Variants in CDH18 observed in about 807,000 individuals in gnomAD.
CDH18 encodes cadherin 18.
In CDH18, 31 loss-of-function variants were observed where a neutral mutation model predicts 67.9. That is an observed-to-expected ratio of 0.46 (90% CI 0.34 to 0.62). CDH18 has a LOEUF of 0.62. Among genes scored for constraint, CDH18 ranks in the 20% least tolerant of loss-of-function variants. CDH18 has a pLI of 0.01. For missense variants in CDH18, 890 were observed against 975.5 expected (o/e 0.91, Z 1.17); for synonymous variants, 362 against 347.2 (o/e 1.04, Z -0.48).
chr5:19,835,306 G>A (rs887627159), intron 3 of CDH18, among the ~76,000 whole-genome samples: 1 of 152,020 alleles, frequency 6.6e-6, no homozygotes, highest in African/African-American at 2.4e-5. Flanking sequence ...ACTCATAAGT[G>A]GGAGTTGAAC....
chr5:19,927,695 G>A (rs1317391749), intron 2 of CDH18, among the ~76,000 whole-genome samples: 4 of 152,060 alleles, frequency 2.6e-5, no homozygotes, highest in Non-Finnish European at 2.9e-5. Flanking sequence ...TGGAGATTAT[G>A]TATAAAAATA....
intron 2 of CDH18, among the ~76,000 whole-genome samples, chr5:19,993,392 G>T (rs1408269116): frequency 1.3e-5 from 2 of 152,028 alleles, no homozygotes; most frequent in African/African-American, 4.8e-5. Flanking sequence ...TACTATCTCT[G>T]CACTATTAAA....
At chr5:20,030,228 C>T (rs752649232) in intron 2 of CDH18, among the ~76,000 whole-genome samples, 7 of 152,130 alleles carry the variant, frequency 4.6e-5, no homozygotes, top group Non-Finnish European at 1.0e-4. Context: ...AAGCTGTCAG[C>T]TAACCACACT....
chr5:19,914,281 T>A (rs1419427878), intron 2 of CDH18, among the ~76,000 whole-genome samples: 2 of 152,074 alleles, frequency 1.3e-5, no homozygotes, highest in African/African-American at 4.8e-5. Context: ...TTATATGCAT[T>A]TACAGTAATG....
intron 9 of CDH18, among the ~76,000 whole-genome samples, chr5:19,532,729 G>A (rs968668595): frequency 3.9e-5 from 6 of 152,188 alleles, no homozygotes; most frequent in South Asian, 2.1e-4. Context: ...AAAGTTGTTC[G>A]AACTGCGGTG....
At chr5:20,190,703 G>C (rs1036221467) in intron 2 of CDH18, among the ~76,000 whole-genome samples, 1 of 151,962 alleles carries the variant, frequency 6.6e-6, no homozygotes, top group African/African-American at 2.4e-5. Context: ...AAAAATATTT[G>C]AGAAACCCGT....
chr5:20,528,938 A>T (rs763326497), intron 1 of CDH18, among the ~76,000 whole-genome samples: 27 of 148,986 alleles, frequency 1.8e-4, no homozygotes, highest in Non-Finnish European at 3.0e-4. Flanking sequence ...CCTTCAAAAC[A>T]TCAATGAATC....
intron 3 of CDH18, among the ~76,000 whole-genome samples, chr5:19,837,253 C>T (rs1306261397): frequency 6.6e-6 from 1 of 151,964 alleles, no homozygotes; most frequent in African/African-American, 2.4e-5. Flanking sequence ...ACACCAGGGC[C>T]TGTCTGGGGT....
At chr5:19,866,600 A>G (rs10069612) in intron 2 of CDH18, among the ~76,000 whole-genome samples, 75,085 of 151,912 alleles carry the variant, frequency 0.49, 18,682 homozygotes, top group Middle Eastern at 0.64. Context: ...AGGTGCAGAA[A>G]AAGAAATCCC....
chr5:19,878,210 C>T (rs781036935), intron 2 of CDH18: 3 of 151,964 alleles, frequency 2.0e-5, no homozygotes, highest in Non-Finnish European at 2.9e-5. Context: ...TCTATGATTG[C>T]CAATATTTTT....
intron 1 of CDH18, among the ~76,000 whole-genome samples, chr5:20,556,325 C>T (rs1266786400): frequency 1.3e-5 from 2 of 152,084 alleles, no homozygotes; most frequent in Non-Finnish European, 2.9e-5. Context: ...GCTTAGGAGA[C>T]GAATGTGGTA....
intron 1 of CDH18, among the ~76,000 whole-genome samples, chr5:20,532,939 C>G (rs1267905664): frequency 2.6e-5 from 4 of 151,282 alleles, no homozygotes; most frequent in Non-Finnish European, 4.4e-5. Flanking sequence ...TACAGTTTGA[C>G]TTGTGTTCCC....
chr5:20,199,616 T>C (rs778337541), intron 2 of CDH18, among the ~76,000 whole-genome samples: 3 of 152,160 alleles, frequency 2.0e-5, no homozygotes, highest in Non-Finnish European at 4.4e-5. Flanking sequence ...TGGGGGACTG[T>C]TGAGAAGGCA....
chr5:19,815,988 T>C (rs181188428), intron 3 of CDH18, among the ~76,000 whole-genome samples: 1 of 152,064 alleles, frequency 6.6e-6, no homozygotes, highest in East Asian at 1.9e-4. Context: ...ATACGATTTA[T>C]ATCTAGAGAA....
intron 1 of CDH18, among the ~76,000 whole-genome samples, chr5:20,363,446 A>G (rs1284325701): frequency 7.6e-6 from 1 of 132,302 alleles, no homozygotes; most frequent in Non-Finnish European, 1.5e-5. Context: ...AACTGCACCC[A>G]GCCTGGGCAA....
chr5:19,688,424 T>G lies in CDH18; in HGVS notation c.643+32923A>C, dbSNP rs535854059. Among the ~76,000 whole-genome samples the G allele has an allele frequency of 2.6e-5, 4 of 152,200 alleles. No homozygotes were observed. The South Asian group carries it at 8.3e-4, about 32-fold the overall frequency. ...TAAGCTACTGAGGAAATCACAGACA[T>G]CATTGCTGTTCTTTACAGCTGAAGA... On this transcript the variant is annotated intron_variant, in intron 5 of 12. Transcript: ENST00000382275.
intron 2 of CDH18, among the ~76,000 whole-genome samples, chr5:20,211,935 C>A (rs556236515): frequency 2.6e-5 from 4 of 152,226 alleles, no homozygotes; most frequent in African/African-American, 9.6e-5. Flanking sequence ...ATGACTTTGA[C>A]GAGTTGACAA....
chr5:19,839,824 C>A (rs538079502), intron 2 of CDH18, among the ~76,000 whole-genome samples: 1 of 152,080 alleles, frequency 6.6e-6, no homozygotes, highest in South Asian at 2.1e-4. Flanking sequence ...ACAGACAAGG[C>A]AGATTTTCAA....
At chr5:20,236,266 T>G (rs79288168) in intron 2 of CDH18, among the ~76,000 whole-genome samples, 1 of 150,390 alleles carries the variant, frequency 6.6e-6, no homozygotes, top group African/African-American at 2.4e-5. Flanking sequence ...TAAATAAAAT[T>G]TAAAGGAAGA....
Sources: gnomAD v4.1 joint callset for allele counts (sites outside exome capture counted in the v4.1 genomes callset) on GRCh38, gnomAD v4.1.1 for gene constraint, MANE v1.5 for transcripts, NCBI Gene and HGNC (gene_info 2026-07-23, HGNC 2026-07-21) for gene names.